The following TEX11 variants were observed in gnomAD, a reference collection of about 807,000 sequenced individuals.
TEX11 encodes the protein testis expressed 11.
A neutral mutation model predicts 84.4 loss-of-function variants in TEX11; 7 were observed. That is an observed-to-expected ratio of 0.08 (90% CI 0.05 to 0.16). The LOEUF is 0.16. Ranked by LOEUF, TEX11 falls within the 10% of genes least tolerant of loss-of-function variation. TEX11 has a pLI of 1.00. For synonymous variants in TEX11, 264 were observed against 222.8 expected (o/e 1.18, Z -1.64); for missense variants, 551 against 660.5 (o/e 0.83, Z 1.82).
chrX:70,637,976 A>G (rs1476322860), intron 17 of TEX11, among the ~76,000 whole-genome samples: 1 of 111,647 alleles, frequency 9.0e-6, no homozygotes, highest in Non-Finnish European at 1.9e-5. Flanking sequence ...AATAAAAAAA[A>G]AAGCTTAGGG....
In TEX11 at chrX:70,907,624, C is replaced by T. The variant is rs924931373; in HGVS notation, c.37+129G>A. 25 of 477,715 alleles carry T rather than the reference C, an allele frequency of 5.2e-5. No individual in the cohort carries two copies. In the Admixed American group the frequency reaches 7.0e-4, roughly 13 times the overall value. 39.4% of individuals were successfully genotyped at this position (477,715 alleles called of 1,213,427 possible). On this transcript the variant is annotated intron_variant, in intron 2 of 29. Transcript: ENST00000374333. ...GGTCAGGCTGGTCTCGAGCCCCTGA[C>T]CTCGTGATCCGCCCGCCTCGGCCTC...
At chrX:70,634,706 CAT>C (rs2089549206) in intron 17 of TEX11, among the ~76,000 whole-genome samples, 1 of 94,897 alleles carries the variant, frequency 1.1e-5, no homozygotes, top group Non-Finnish European at 2.1e-5. Context: ...ATTGGATAGT[CAT>C]GTGCAAAAAA....
intron 24 of TEX11, among the ~76,000 whole-genome samples, chrX:70,596,086 T>C (rs186789173): frequency 5.7e-4 from 63 of 111,319 alleles, no homozygotes; most frequent in Non-Finnish European, 5.7e-4. Flanking sequence ...ATTGGAAATG[T>C]ATAGCAATTA....
intron 1 of TEX11, 149 bp from the exon 2 acceptor site, chrX:70,907,959 A>G: frequency 9.1e-6 from 4 of 439,659 alleles, no homozygotes; most frequent in Admixed American, 4.0e-5. Flanking sequence ...GGCTTTTGTG[A>G]GGGGCAGGGC....
chrX:70,666,315 G>A (rs2089975705), intron 16 of TEX11, among the ~76,000 whole-genome samples: 1 of 111,828 alleles, frequency 8.9e-6, no homozygotes, highest in Non-Finnish European at 1.9e-5. Flanking sequence ...GGGAATTTTA[G>A]GGATGCAGGA....
intron 20 of TEX11, among the ~76,000 whole-genome samples, chrX:70,617,421 C>T (rs1431594299): frequency 1.9e-5 from 2 of 105,248 alleles, no homozygotes; most frequent in African/African-American, 6.8e-5. Flanking sequence ...TATGTATATA[C>T]ACATATATAA....
At chrX:70,838,087 A>C (rs1327911760) in intron 7 of TEX11, among the ~76,000 whole-genome samples, 1 of 112,134 alleles carries the variant, frequency 8.9e-6, no homozygotes, top group Non-Finnish European at 1.9e-5. Flanking sequence ...GTTTCCTGCA[A>C]ATCTATGCTT....
chrX:70,806,721 T>C lies in TEX11; in HGVS notation c.676A>G (p.Ser226Gly). 8.5e-7 allele frequency: 1 copy of C among 1,181,262 alleles called. No homozygotes were observed. The highest frequency in any genetic ancestry group is 1.1e-6 in the Non-Finnish European group (1 of 874,300). ...ETQKNNKYEE[S>G]SFWLSQSYDI... ...TTATGTTACCTAAGCCAGAAAGAACTTTCTTCATATTTATTATTCTTCTGG... is the reference window on the plus strand; with the variant it reads ...TTATGTTACCTAAGCCAGAAAGAACCTTCTTCATATTTATTATTCTTCTGG... The change falls in exon 9 of 30, where the codon AGT becomes GGT. Residue 226 changes from serine (S) to glycine (G), a missense_variant. By Grantham distance (56) the Ser-to-Gly change is moderately conservative. Transcript: ENST00000374333.
chrX:70,569,372 T>G (rs1341285423), intron 25 of TEX11, among the ~76,000 whole-genome samples: 2 of 111,542 alleles, frequency 1.8e-5, no homozygotes, highest in Non-Finnish European at 3.8e-5. Flanking sequence ...TAGCTCAGAG[T>G]AGTTTGATTG....
chrX:70,845,026 T>C (rs752990133), intron 7 of TEX11, among the ~76,000 whole-genome samples: 7 of 111,962 alleles, frequency 6.3e-5, no homozygotes, highest in African/African-American at 2.3e-4. Flanking sequence ...AAGCTCAAAC[T>C]TTTTCACTGG....
chrX:70,560,876 T>G (rs1048063314), intron 25 of TEX11, among the ~76,000 whole-genome samples: 2 of 94,525 alleles, frequency 2.1e-5, no homozygotes, highest in Non-Finnish European at 4.1e-5. Flanking sequence ...TGACCACAGG[T>G]GCATGCCACC....
In TEX11 at chrX:70,539,038, A is replaced by ATATATATTTT; in HGVS notation, c.2521-9040_2521-9039insAAAATATATA. 1.7e-3 allele frequency among the ~76,000 whole-genome samples: 70 copies of ATATATATTTT among 41,249 alleles called. 1 individual carries two copies. Among genetic ancestry groups the ATATATATTTT allele is most frequent in the South Asian group, 5.1e-3 (2 of 390 alleles). The allele number at this position is 41,249 out of a possible 115,157, so 35.8% of individuals were successfully genotyped here. On this transcript the variant is annotated intron_variant, in intron 28 of 29. Coordinates refer to ENST00000374333, the MANE Select transcript of TEX11 (RefSeq NM_031276.3). ...CTTGGAAATATATATATATATATATATTTTTTTTTTTTTTAAGATGGAGTC... is the reference window on the plus strand; with the variant it reads ...CTTGGAAATATATATATATATATATATATATATTTTTTTTTTTTTTTTTTAAGATGGAGTC...
intron 25 of TEX11, among the ~76,000 whole-genome samples, chrX:70,560,060 A>G (rs1249947418): frequency 9.0e-6 from 1 of 110,727 alleles, no homozygotes; most frequent in Non-Finnish European, 1.9e-5. Context: ...CGGCTTCTCA[A>G]TGTGCATTTT....
chrX:70,539,038 AT>A (rs775537536), intron 28 of TEX11, among the ~76,000 whole-genome samples: 17 of 41,245 alleles, frequency 4.1e-4, no homozygotes, highest in Admixed American at 5.4e-4. Flanking sequence ...ATATATATAT[AT>A]TTTTTTTTTT....
At chrX:70,702,464 C>A (rs150142074) in intron 13 of TEX11, among the ~76,000 whole-genome samples, 1,126 of 112,096 alleles carry the variant, frequency 0.01, 13 homozygotes, top group African/African-American at 0.034. Context: ...AGTAACCTAA[C>A]TTTTACATGC....
intron 25 of TEX11, among the ~76,000 whole-genome samples, chrX:70,575,152 GC>G (rs1438873601): frequency 9.0e-6 from 1 of 111,570 alleles, no homozygotes; most frequent in Non-Finnish European, 1.9e-5. Context: ...CTGCTGTGTG[GC>G]TATTGAATTT....
chrX:70,549,290 G>A (rs2147943655), intron 28 of TEX11, among the ~76,000 whole-genome samples: 1 of 111,581 alleles, frequency 9.0e-6, no homozygotes, highest in Non-Finnish European at 1.9e-5. Context: ...GTGGGCCTTA[G>A]GTGAGACTCT....
chrX:70,865,626 T>C (rs910465099), intron 4 of TEX11, among the ~76,000 whole-genome samples: 1 of 111,425 alleles, frequency 9.0e-6, no homozygotes. Context: ...TATTCTAAAA[T>C]CGACCACATA....
chrX:70,615,978 C>G (rs770122676), intron 20 of TEX11, among the ~76,000 whole-genome samples: 1 of 111,250 alleles, frequency 9.0e-6, no homozygotes, highest in African/African-American at 3.3e-5. Context: ...CCCAGACAAA[C>G]AAAAGCTGAG....
Sources: gnomAD v4.1 joint callset for allele counts (sites outside exome capture counted in the v4.1 genomes callset) on GRCh38, gnomAD v4.1.1 for gene constraint, MANE v1.5 for transcripts, NCBI Gene and HGNC (gene_info 2026-07-23, HGNC 2026-07-21) for gene names.